Variants in TBC1D22A observed in about 807,000 individuals in gnomAD.
TBC1D22A encodes the protein putative GTPase activator.
In TBC1D22A, 38 loss-of-function variants were observed where a neutral mutation model predicts 60.2. The ratio of observed to expected loss-of-function variants is 0.63; its 90% CI spans 0.49 to 0.83. The LOEUF is 0.83. Among genes scored for constraint, TBC1D22A ranks in the 40% least tolerant of loss-of-function variants. TBC1D22A has a pLI of 0.00. For missense variants in TBC1D22A, 628 were observed against 701.0 expected (o/e 0.90, Z 1.18); for synonymous variants, 302 against 281.7 (o/e 1.07, Z -0.72).
At chr22:46,784,369 T>C (rs1322086768) in intron 1 of TBC1D22A, among the ~76,000 whole-genome samples, 4 of 152,222 alleles carry the variant, frequency 2.6e-5, no homozygotes, top group Middle Eastern at 6.3e-3. Context: ...CTGGTTAATA[T>C]ACTTTTTTAA....
At chr22:47,074,623 G>A (rs548190313) in intron 11 of TBC1D22A, among the ~76,000 whole-genome samples, 5 of 152,306 alleles carry the variant, frequency 3.3e-5, no homozygotes, top group Admixed American at 3.3e-4. Context: ...ACATTTTCAT[G>A]TGAAATCTTT....
At chr22:47,079,624 C>T (rs2064377346) in intron 11 of TBC1D22A, among the ~76,000 whole-genome samples, 1 of 151,832 alleles carries the variant, frequency 6.6e-6, no homozygotes, top group Non-Finnish European at 1.5e-5. Context: ...CGACCACTAG[C>T]AAAATAAAAC....
intron 12 of TBC1D22A, among the ~76,000 whole-genome samples, chr22:47,157,847 C>T (rs1393252313): frequency 6.6e-6 from 1 of 152,140 alleles, no homozygotes; most frequent in South Asian, 2.1e-4. Flanking sequence ...AAGTCACCCA[C>T]CCCCCAAGCC....
At chr22:46,830,981 C>G (rs1330589426) in intron 4 of TBC1D22A, among the ~76,000 whole-genome samples, 3 of 151,736 alleles carry the variant, frequency 2.0e-5, no homozygotes, top group South Asian at 4.2e-4. Context: ...TGTGAGGGAG[C>G]CTCAGGGTCC....
chr22:47,129,281 A>G (rs1250213772), intron 12 of TBC1D22A, among the ~76,000 whole-genome samples: 2 of 152,244 alleles, frequency 1.3e-5, no homozygotes, highest in Non-Finnish European at 2.9e-5. Flanking sequence ...GATCAAGACC[A>G]TCCCAGCCAA....
At chr22:46,815,621 A>T (rs1344620791) in intron 4 of TBC1D22A, among the ~76,000 whole-genome samples, 1 of 152,136 alleles carries the variant, frequency 6.6e-6, no homozygotes, top group Non-Finnish European at 1.5e-5. Flanking sequence ...TTGCTCATTG[A>T]TTTGTTCACT....
At chr22:47,043,186 A>G (rs131893) in intron 11 of TBC1D22A, among the ~76,000 whole-genome samples, 97,801 of 151,826 alleles carry the variant, frequency 0.64, 32,527 homozygotes, top group East Asian at 0.92. Flanking sequence ...GGGAGGCCAC[A>G]AGAGCCGGCC....
chr22:46,785,600 CT>C (rs2084126292), intron 1 of TBC1D22A, among the ~76,000 whole-genome samples: 1 of 152,226 alleles, frequency 6.6e-6, no homozygotes, highest in South Asian at 2.1e-4. Flanking sequence ...ACTATCACCC[CT>C]GCCTTCCTCC....
chr22:46,937,064 G>A (rs1433168808), intron 8 of TBC1D22A, among the ~76,000 whole-genome samples: 53 of 152,144 alleles, frequency 3.5e-4, no homozygotes, highest in Non-Finnish European at 4.4e-5. Context: ...TTTGCATTCC[G>A]GCACAGGTAT....
In TBC1D22A at chr22:47,104,865, G is replaced by C. The variant is rs551929069; in HGVS notation, c.1330-6643G>C. ...GACAAACTCAACCAGTTGTCAACTA[G>C]AACATGTATAAATTCACCTATCGCC... On this transcript the variant is annotated intron_variant, in intron 11 of 12. Transcript: ENST00000337137. Among the ~76,000 whole-genome samples the C allele has an allele frequency of 2.0e-4, 31 of 152,200 alleles. No individual in the cohort carries two copies. In the South Asian group the frequency reaches 5.6e-3, roughly 28 times the overall value.
chr22:46,783,504 A>T (rs1029695643), intron 1 of TBC1D22A, among the ~76,000 whole-genome samples: 3 of 152,216 alleles, frequency 2.0e-5, no homozygotes, highest in African/African-American at 7.2e-5. Flanking sequence ...CACGCAGTTG[A>T]TGCCGCTGTG....
At chr22:47,069,954 C>CCTGGCTGTTCCCTGACGGTT (rs2063914340) in intron 11 of TBC1D22A, among the ~76,000 whole-genome samples, 1 of 120,400 alleles carries the variant, frequency 8.3e-6, no homozygotes, top group Non-Finnish European at 1.7e-5. Context: ...ACCTGACGGT[C>CCTGGCTGTTCCCTGACGGTT]CCAGCGCTGT....
intron 7 of TBC1D22A, among the ~76,000 whole-genome samples, chr22:46,906,141 G>A (rs2069449137): frequency 6.7e-6 from 1 of 149,088 alleles, no homozygotes; most frequent in Non-Finnish European, 1.5e-5. Flanking sequence ...GCAGTGATGG[G>A]AGAAAGGGCA....
intron 10 of TBC1D22A, among the ~76,000 whole-genome samples, chr22:47,030,402 T>C (rs2062429799): frequency 6.6e-6 from 1 of 152,224 alleles, no homozygotes; most frequent in African/African-American, 2.4e-5. Flanking sequence ...TGGGACACAA[T>C]GTGCTTGCAT....
intron 11 of TBC1D22A, among the ~76,000 whole-genome samples, chr22:47,080,087 C>G (rs1002419957): frequency 2.6e-5 from 4 of 152,176 alleles, no homozygotes; most frequent in African/African-American, 9.7e-5. Context: ...AACGTATAAA[C>G]TACCCTAAAT....
intron 11 of TBC1D22A, among the ~76,000 whole-genome samples, chr22:47,096,879 T>C (rs1419568251): frequency 6.6e-6 from 1 of 152,164 alleles, no homozygotes; most frequent in Non-Finnish European, 1.5e-5. Context: ...TGAAGTGTTG[T>C]TTTTAGGCGC....
chr22:47,149,234 G>A (rs370223033), intron 12 of TBC1D22A, among the ~76,000 whole-genome samples: 93 of 152,336 alleles, frequency 6.1e-4, no homozygotes, highest in African/African-American at 2.0e-3. Flanking sequence ...GACAGGCTCT[G>A]CTGGCCTGTG....
chr22:46,816,964 A>G (rs893684401), intron 4 of TBC1D22A, among the ~76,000 whole-genome samples: 16 of 152,196 alleles, frequency 1.1e-4, no homozygotes, highest in Non-Finnish European at 1.9e-4. Context: ...TCCTTTTCAC[A>G]TAGGCAAAAT....
At chr22:46,847,646 T>A (rs1403128365) in intron 4 of TBC1D22A, among the ~76,000 whole-genome samples, 1 of 152,154 alleles carries the variant, frequency 6.6e-6, no homozygotes, top group African/African-American at 2.4e-5. Context: ...GGTCTGTTGA[T>A]GATGTCTGAG....
Sources: allele counts gnomAD v4.1 joint callset (sites outside exome capture counted in the v4.1 genomes callset), GRCh38; gene constraint gnomAD v4.1.1; transcripts MANE v1.5; gene names NCBI Gene and HGNC (gene_info 2026-07-23, HGNC 2026-07-21).